The following DENND1A variants were observed in gnomAD, a reference collection of about 807,000 sequenced individuals.
DENND1A encodes DENN domain containing 1A, also known as DENN domain-containing protein 1A.
Under a neutral mutation model 113.7 loss-of-function variants are expected in DENND1A, and 51 were observed. The observed-to-expected ratio is 0.45, with a 90% CI of 0.36 to 0.57. DENND1A has a LOEUF of 0.57. Among genes scored for constraint, DENND1A ranks in the 20% least tolerant of loss-of-function variants. The pLI is 0.00. For missense variants in DENND1A, 1,258 were observed against 1,395.9 expected, an observed-to-expected ratio of 0.90 and a Z score of 1.57; for synonymous variants, 565 against 570.8, an observed-to-expected ratio of 0.99 and a Z score of 0.14.
intron 13 of DENND1A, among the ~76,000 whole-genome samples, chr9:123,516,934 A>AAAACATTTATG: frequency 6.7e-6 from 1 of 148,184 alleles, no homozygotes; most frequent in African/African-American, 2.5e-5. Flanking sequence ...GGACAATAGT[A>AAAACATTTATG]AAACATTTAT....
intron 11 of DENND1A, among the ~76,000 whole-genome samples, chr9:123,596,113 G>A (rs2059678668): frequency 6.6e-6 from 1 of 152,156 alleles, no homozygotes; most frequent in Admixed American, 6.5e-5. Flanking sequence ...GAGAAGCATG[G>A]CCCAGAGATA....
intron 12 of DENND1A, among the ~76,000 whole-genome samples, chr9:123,582,547 A>C (rs1024390730): frequency 6.6e-6 from 1 of 150,918 alleles, no homozygotes; most frequent in South Asian, 2.1e-4. Context: ...CTACAGGCAC[A>C]TGCCACCATG....
chr9:123,569,444 T>C (rs2058236327), intron 12 of DENND1A: 1 of 152,226 alleles, frequency 6.6e-6, no homozygotes. Context: ...CTTGGAATTG[T>C]GGTTTATTGC....
intron 13 of DENND1A, among the ~76,000 whole-genome samples, chr9:123,541,450 T>G (rs965544534): frequency 1.3e-5 from 2 of 152,200 alleles, no homozygotes; most frequent in Non-Finnish European, 2.9e-5. Context: ...GGCAGCTGAC[T>G]TGCTCAAGAC....
intron 1 of DENND1A, among the ~76,000 whole-genome samples, chr9:123,884,814 A>G (rs58524141): frequency 0.086 from 13,103 of 152,156 alleles, 951 homozygotes; most frequent in African/African-American, 0.2. Context: ...AAGCAGCAGA[A>G]TCAGCATGGA....
At chr9:123,409,943 T>G (rs10986011) in intron 20 of DENND1A, among the ~76,000 whole-genome samples, 22,911 of 151,958 alleles carry the variant, frequency 0.15, 1,753 homozygotes, top group Middle Eastern at 0.2. Context: ...TAGAAAAAAA[T>G]TAGCCGTGCA....
intron 5 of DENND1A, among the ~76,000 whole-genome samples, chr9:123,709,804 G>C (rs78268620): frequency 6.6e-6 from 1 of 152,280 alleles, no homozygotes; most frequent in East Asian, 1.9e-4. Flanking sequence ...AATTTCTAAG[G>C]AACTTGGAAA....
intron 5 of DENND1A, among the ~76,000 whole-genome samples, chr9:123,682,081 C>T (rs531063924): frequency 6.6e-6 from 1 of 152,356 alleles, no homozygotes; most frequent in East Asian, 1.9e-4. Flanking sequence ...TCTTTCCCCT[C>T]ATCTTGACCT....
In DENND1A at chr9:123,466,864, G is replaced by A. The variant is rs533674801; in HGVS notation, c.994-8967C>T. Among the ~76,000 whole-genome samples, 9 of 133,946 alleles carry A rather than the reference G, an allele frequency of 6.7e-5. No homozygotes were observed. The South Asian group carries it at 1.6e-3, about 23-fold the overall frequency. The allele number at this position is 133,946 out of a possible 152,430, so 87.9% of individuals were successfully genotyped here. On this transcript the variant is annotated intron_variant, in intron 13 of 23. Coordinates refer to ENST00000394215, the MANE Select transcript of DENND1A (RefSeq NM_001352964.2). ...AGCCTGGGCAACACAGAGAGACCCC[G>A]TCTAGACCCCATCTCTTAAAAAAAA...
At chr9:123,630,527 C>T in intron 9 of DENND1A, 51 bp from the exon 10 acceptor site, 1 of 1,266,906 alleles carries the variant, frequency 7.9e-7, no homozygotes, top group East Asian at 2.7e-5. Context: ...GGAGGAGACA[C>T]CGCCATTTGA....
chr9:123,775,215 G>A (rs908764723), intron 3 of DENND1A, among the ~76,000 whole-genome samples: 3 of 152,130 alleles, frequency 2.0e-5, no homozygotes, highest in Admixed American at 6.5e-5. Flanking sequence ...TTCAAATACT[G>A]TACTTCCAAG....
intron 9 of DENND1A, among the ~76,000 whole-genome samples, chr9:123,633,188 G>A (rs545465335): frequency 3.3e-5 from 5 of 152,148 alleles, no homozygotes; most frequent in East Asian, 1.9e-4. Context: ...GATTACAGGC[G>A]TGAGCCACTG....
chr9:123,399,640 A>G (rs1184321554), intron 21 of DENND1A, among the ~76,000 whole-genome samples: 1 of 152,198 alleles, frequency 6.6e-6, no homozygotes, highest in African/African-American at 2.4e-5. Flanking sequence ...CGGTGAGAAG[A>G]CTGAACAGAT....
At chr9:123,580,184 T>C (rs2058823115) in intron 12 of DENND1A, among the ~76,000 whole-genome samples, 1 of 152,250 alleles carries the variant, frequency 6.6e-6, no homozygotes, top group Admixed American at 6.5e-5. Flanking sequence ...GGTACTCCTC[T>C]TTTAATGTGG....
chr9:123,680,372 A>C (rs1223298514), intron 5 of DENND1A, among the ~76,000 whole-genome samples: 1 of 152,204 alleles, frequency 6.6e-6, no homozygotes, highest in African/African-American at 2.4e-5. Flanking sequence ...TGCCTTCCCG[A>C]TCCGGGGTCC....
intron 2 of DENND1A, among the ~76,000 whole-genome samples, chr9:123,829,081 G>A (rs887783939): frequency 6.6e-6 from 1 of 152,152 alleles, no homozygotes; most frequent in Admixed American, 6.5e-5. Flanking sequence ...AGATAGCTCA[G>A]TGAAGTATAA....
chr9:123,713,265 A>T (rs1458078389), intron 5 of DENND1A, among the ~76,000 whole-genome samples: 1 of 152,264 alleles, frequency 6.6e-6, no homozygotes, highest in Non-Finnish European at 1.5e-5. Flanking sequence ...CAAACGGTAC[A>T]GCATGAAAGT....
Position 123,403,319 on chromosome 9 carries a change from G to A in DENND1A, c.1631+83C>T, listed in dbSNP as rs2043649865. On this transcript the variant is annotated intron_variant, in intron 21 of 23. Transcript: ENST00000394215. ...CCCCGGGGAAGCCTCACAAAGGCCG[G>A]GGCTACACGCTTGGGCTTCGCAAAG... 6.2e-6 allele frequency: 9 copies of A among 1,440,920 alleles called. No individual in the cohort carries two copies. In the South Asian group the frequency reaches 9.5e-5, roughly 15 times the overall value. The allele number at this position is 1,440,920 out of a possible 1,614,324, so 89.3% of individuals were successfully genotyped here. A position where few individuals can be genotyped will look rare whatever the true frequency, so the allele number is the denominator to read the frequency against.
At chr9:123,695,393 G>A (rs976349341) in intron 5 of DENND1A, among the ~76,000 whole-genome samples, 3 of 152,030 alleles carry the variant, frequency 2.0e-5, no homozygotes, top group Non-Finnish European at 2.9e-5. Context: ...TCAGCTTCTT[G>A]GAGGATTCAA....
Sources: gnomAD v4.1 joint callset for allele counts (sites outside exome capture counted in the v4.1 genomes callset) on GRCh38, gnomAD v4.1.1 for gene constraint, MANE v1.5 for transcripts, NCBI Gene and HGNC (gene_info 2026-07-23, HGNC 2026-07-21) for gene names.